The following FMN1 variants were observed in gnomAD, a reference collection of about 807,000 sequenced individuals.
FMN1 encodes formin-1.
Under a neutral mutation model 132.4 loss-of-function variants are expected in FMN1, and 110 were observed. That is an observed-to-expected ratio of 0.83 (90% CI 0.71 to 0.97). FMN1 has a LOEUF of 0.97. Ranked by LOEUF, FMN1 falls within the 50% of genes least tolerant of loss-of-function variation. The pLI is 0.00. For synonymous variants in FMN1, 722 were observed against 651.7 expected, an observed-to-expected ratio of 1.11 and a Z score of -1.64; for missense variants, 1,792 against 1,705.3, an observed-to-expected ratio of 1.05 and a Z score of -0.90.
chr15:33,012,857 G>C, intron 6 of FMN1: 2 of 603,890 alleles, frequency 3.3e-6, no homozygotes, highest in Non-Finnish European at 6.3e-6. Flanking sequence ...AATGAATTTG[G>C]TAATGATGGG....
At position 32,947,908 on chromosome 15, in the gene FMN1, G is replaced by A. The variant is rs77533911; in HGVS notation, c.3138+16199C>T. Among the ~76,000 whole-genome samples the A allele has an allele frequency of 8.5e-4, 129 of 151,880 alleles. 2 individuals carry two copies. In the East Asian group the frequency reaches 0.018, roughly 22 times the overall value. ...CTATGCTGAAAAATCACAATTCATC[G>A]TTTCATTTCTTCCTTTCCAATATAT... On this transcript the variant is annotated intron_variant, in intron 9 of 20. Transcript: ENST00000616417.
intron 5 of FMN1, among the ~76,000 whole-genome samples, chr15:33,086,784 T>C (rs985226967): frequency 6.6e-6 from 1 of 152,374 alleles, no homozygotes; most frequent in African/African-American, 2.4e-5. Context: ...TCATGTCATC[T>C]CCTGCAGGAC....
chr15:32,876,616 A>T (rs1286109674), intron 16 of FMN1, among the ~76,000 whole-genome samples: 1 of 152,232 alleles, frequency 6.6e-6, no homozygotes, highest in African/African-American at 2.4e-5. Flanking sequence ...AATTATTCCA[A>T]AATAAAAATT....
At chr15:32,780,075 T>G (rs1404164737) in intron 19 of FMN1, among the ~76,000 whole-genome samples, 1 of 152,202 alleles carries the variant, frequency 6.6e-6, no homozygotes, top group Non-Finnish European at 1.5e-5. Context: ...TCTGTGTGCC[T>G]TATTTCCTAA....
intron 6 of FMN1, among the ~76,000 whole-genome samples, chr15:33,018,701 G>C (rs1312309129): frequency 2.6e-5 from 4 of 152,128 alleles, no homozygotes; most frequent in Non-Finnish European, 4.4e-5. Context: ...GCGGACCCTT[G>C]CCATGACTGT....
intron 3 of FMN1, among the ~76,000 whole-genome samples, chr15:33,178,489 A>G (rs1203850466): frequency 6.6e-6 from 1 of 152,104 alleles, no homozygotes; most frequent in Admixed American, 6.6e-5. Flanking sequence ...GTTTTGTCCA[A>G]TCCTAACCAT....
chr15:33,086,897 G>T (rs1374873166), intron 5 of FMN1, among the ~76,000 whole-genome samples: 1 of 152,166 alleles, frequency 6.6e-6, no homozygotes, highest in African/African-American at 2.4e-5. Context: ...TGGTTTTATG[G>T]TTATGAAAAA....
intron 5 of FMN1, among the ~76,000 whole-genome samples, chr15:33,081,336 C>T (rs754868826): frequency 7.9e-5 from 12 of 152,210 alleles, no homozygotes; most frequent in East Asian, 1.9e-4. Context: ...AATTGATATA[C>T]GTATTTTGGG....
chr15:33,012,189 T>C (rs2034767229), intron 6 of FMN1: 1 of 586,288 alleles, frequency 1.7e-6, no homozygotes, highest in Admixed American at 2.3e-5. Flanking sequence ...GGTTGGGCTT[T>C]GAAACCACCG....
In FMN1 at chr15:32,811,024, T is replaced by C. The variant is rs149021826; in HGVS notation, c.3929-6692A>G. The C allele has an allele frequency of 6.5e-3, 2,958 of 456,528 alleles. 126 individuals carry two copies. The Admixed American group carries it at 0.066, about 10-fold the overall frequency. 28.3% of individuals were successfully genotyped at this position (456,528 alleles called of 1,614,324 possible). ...GAGTGTGGCAATCGTTTTCCATTTC[T>C]TAGAAAATCCCCGTTGTGCACTTTC... is the stretch of plus-strand genomic sequence containing the variant. On this transcript the variant is annotated intron_variant, in intron 17 of 20. Transcript: ENST00000616417.
intron 6 of FMN1, among the ~76,000 whole-genome samples, chr15:33,027,089 A>G (rs1022839883): frequency 6.6e-6 from 1 of 152,054 alleles, no homozygotes; most frequent in African/African-American, 2.4e-5. Flanking sequence ...TTTTTAATGC[A>G]AAAGTTTGGA....
At chr15:33,112,863 C>T (rs1014769703) in intron 4 of FMN1, among the ~76,000 whole-genome samples, 1 of 152,182 alleles carries the variant, frequency 6.6e-6, no homozygotes, top group African/African-American at 2.4e-5. Context: ...AAGGCCTACA[C>T]AGCTACTGGG....
At chr15:32,850,347 A>C (rs2058981104) in intron 17 of FMN1, among the ~76,000 whole-genome samples, 1 of 151,808 alleles carries the variant, frequency 6.6e-6, no homozygotes, top group Admixed American at 6.5e-5. Context: ...TTAGAGATTT[A>C]AGTATGGCCT....
intron 6 of FMN1, among the ~76,000 whole-genome samples, chr15:33,057,273 A>G (rs1220966548): frequency 6.6e-6 from 1 of 152,228 alleles, no homozygotes; most frequent in Non-Finnish European, 1.5e-5. Context: ...GGGGGCAAGA[A>G]GGAACCTTCT....
intron 6 of FMN1, among the ~76,000 whole-genome samples, chr15:33,058,511 C>T (rs1458387629): frequency 6.6e-6 from 1 of 152,188 alleles, no homozygotes; most frequent in Non-Finnish European, 1.5e-5. Flanking sequence ...TTGAATGAAC[C>T]TCACCTTAAC....
intron 6 of FMN1, among the ~76,000 whole-genome samples, chr15:33,009,489 T>C (rs1322687506): frequency 6.6e-6 from 1 of 152,212 alleles, no homozygotes; most frequent in East Asian, 1.9e-4. Flanking sequence ...TTCCCCTTGT[T>C]CATCATACTC....
chr15:32,785,218 A>ATATATT (rs1444523400), intron 19 of FMN1, among the ~76,000 whole-genome samples: 4 of 39,200 alleles, frequency 1.0e-4, no homozygotes, highest in Admixed American at 3.4e-4. Flanking sequence ...ATATATATAT[A>ATATATT]TTTTTTTTTT....
At chr15:32,913,251 C>A (rs555475522) in intron 10 of FMN1, among the ~76,000 whole-genome samples, 1 of 152,262 alleles carries the variant, frequency 6.6e-6, no homozygotes, top group African/African-American at 2.4e-5. Flanking sequence ...CAGGTACCTC[C>A]AAGTCTGTAT....
intron 3 of FMN1, among the ~76,000 whole-genome samples, chr15:33,161,794 T>C (rs1049654944): frequency 6.6e-6 from 1 of 151,990 alleles, no homozygotes; most frequent in Non-Finnish European, 1.5e-5. Context: ...GGCGAGCACC[T>C]GTAGTCCCAG....
Sources: allele counts gnomAD v4.1 joint callset (sites outside exome capture counted in the v4.1 genomes callset), GRCh38; gene constraint gnomAD v4.1.1; transcripts MANE v1.5; gene names NCBI Gene and HGNC (gene_info 2026-07-23, HGNC 2026-07-21).